ARFIP1: variants seen among roughly 807,000 people sequenced by gnomAD.
The protein encoded by ARFIP1 is ARF interacting protein 1, also known as arfaptin-1.
In ARFIP1, 24 loss-of-function variants were observed where a neutral mutation model predicts 42.5. The observed-to-expected ratio is 0.57, with a 90% CI of 0.41 to 0.80. The LOEUF (loss-of-function observed/expected upper bound fraction) is 0.80. Ranked by LOEUF, ARFIP1 falls within the 30% of genes least tolerant of loss-of-function variation. The probability of loss-of-function intolerance (pLI) is 0.00; values close to 1 mark genes in which losing one functional copy is unlikely to be tolerated. For synonymous variants in ARFIP1, 141 were observed against 153.7 expected (o/e 0.92, Z 0.61); for missense variants, 354 against 434.0 (o/e 0.82, Z 1.64).
intron 2 of ARFIP1, among the ~76,000 whole-genome samples, chr4:152,853,328 C>G (rs150663075): frequency 9.0e-4 from 137 of 152,274 alleles, no homozygotes; most frequent in Admixed American, 1.6e-3. Context: ...AGGTTTAGCG[C>G]TCCGTTGAGC....
intron 8 of ARFIP1, 90 bp downstream of exon 8, chr4:152,888,397 T>C (rs1013361802): frequency 2.3e-6 from 2 of 877,116 alleles, no homozygotes; most frequent in Admixed American, 3.5e-5. Context: ...TTAACTCTCT[T>C]GTATGACAAT....
In ARFIP1 at chr4:152,804,700, G is replaced by A. The variant is rs561033511; in HGVS notation, c.-10+24474G>A. The stretch of plus-strand genomic sequence containing the variant: ...GTGTGAAGAGTATTGGTGTGAAATA[G>A]GAATAATAATGGTACCTAGGTCAGA... On this transcript the variant is annotated intron_variant, in intron 1 of 8. Transcript: ENST00000353617. Among the ~76,000 whole-genome samples, 7 of 151,008 alleles carry A rather than the reference G, an allele frequency of 4.6e-5. No homozygotes were observed. In the East Asian group the frequency reaches 5.8e-4, roughly 13 times the overall value.
At chr4:152,893,474 G>T (rs893270448) in intron 8 of ARFIP1, among the ~76,000 whole-genome samples, 3 of 152,028 alleles carry the variant, frequency 2.0e-5, no homozygotes, top group Non-Finnish European at 4.4e-5. Context: ...ATAGTTGAAG[G>T]TTAATTTTTT....
Position 152,863,691 on chromosome 4 carries a change from T to C in ARFIP1, c.179T>C (p.Val60Ala). The change falls in exon 3 of 9, where the codon GTT (valine) becomes GCT (alanine). Residue 60 changes from valine (V) to alanine (A), a missense_variant. By Grantham distance (64) the Val-to-Ala change is moderately conservative (BLOSUM62 0). Coordinates refer to ENST00000353617, the MANE Select transcript of ARFIP1 (RefSeq NM_001025595.3). Reference sequence around the variant, plus strand: ...GGCTTTGACAATACCAAAGAGGGTGTTATTGAAGCAGGAGCATTTCAAGGT... The same window carrying C: ...GGCTTTGACAATACCAAAGAGGGTGCTATTGAAGCAGGAGCATTTCAAGGT... ...SHGFDNTKEG[V>A]IEAGAFQGSP... The C allele has an allele frequency of 6.2e-7, 1 of 1,608,708 alleles. No individual in the cohort carries two copies. Among genetic ancestry groups the C allele is most frequent in the East Asian group, 2.2e-5 (1 of 44,690 alleles).
At chr4:152,823,113 C>A (rs1730525047) in intron 1 of ARFIP1, among the ~76,000 whole-genome samples, 1 of 151,966 alleles carries the variant, frequency 6.6e-6, no homozygotes, top group South Asian at 2.1e-4. Context: ...AAAGCTGGTT[C>A]TTTGAAAAGA....
intron 7 of ARFIP1, among the ~76,000 whole-genome samples, chr4:152,886,881 A>G (rs189167241): frequency 8.5e-5 from 13 of 152,128 alleles, no homozygotes; most frequent in African/African-American, 2.6e-4. Flanking sequence ...AAAGAGGCCA[A>G]TTAAATTAAA....
intron 1 of ARFIP1, among the ~76,000 whole-genome samples, chr4:152,816,852 T>C (rs1276784314): frequency 1.3e-5 from 2 of 152,248 alleles, no homozygotes; most frequent in South Asian, 2.1e-4. Context: ...CCACTCTCCT[T>C]CTTATTCCTC....
intron 5 of ARFIP1, among the ~76,000 whole-genome samples, chr4:152,880,705 A>C (rs1415634373): frequency 2.0e-5 from 3 of 152,238 alleles, no homozygotes; most frequent in Admixed American, 2.0e-4. Context: ...CTAAACTTGC[A>C]AAATAATTAT....
intron 1 of ARFIP1, among the ~76,000 whole-genome samples, chr4:152,818,717 G>A (rs928890893): frequency 6.6e-6 from 1 of 152,160 alleles, no homozygotes; most frequent in Non-Finnish European, 1.5e-5. Flanking sequence ...GAATAGGTTG[G>A]TGGCCTGGGG....
intron 1 of ARFIP1, among the ~76,000 whole-genome samples, chr4:152,804,020 A>T (rs1242632111): frequency 3.7e-5 from 5 of 135,592 alleles, no homozygotes; most frequent in Non-Finnish European, 4.6e-5. Flanking sequence ...TATATATATT[A>T]TATATAATAT....
intron 2 of ARFIP1, among the ~76,000 whole-genome samples, chr4:152,832,366 A>G (rs1247125888): frequency 1.3e-5 from 2 of 152,178 alleles, no homozygotes; most frequent in Non-Finnish European, 2.9e-5. Flanking sequence ...CTTATTGACC[A>G]TTGGAGATTG....
chr4:152,829,497 T>A (rs895817774), intron 1 of ARFIP1, 128 bp from the exon 2 acceptor site: 1 of 551,154 alleles, frequency 1.8e-6, no homozygotes, highest in Non-Finnish European at 3.2e-6. Context: ...TTCTGTTTAT[T>A]ATACAAGTAT....
At chr4:152,783,292 A>G (rs912300820) in intron 1 of ARFIP1, among the ~76,000 whole-genome samples, 24 of 152,228 alleles carry the variant, frequency 1.6e-4, no homozygotes, top group African/African-American at 4.8e-4. Flanking sequence ...CCTGGCCAAC[A>G]GAGTGAGACT....
intron 2 of ARFIP1, among the ~76,000 whole-genome samples, chr4:152,849,610 A>G (rs1262246277): frequency 6.6e-6 from 1 of 152,118 alleles, no homozygotes; most frequent in Non-Finnish European, 1.5e-5. Context: ...TTCTTGTTAA[A>G]TATTGTTGAA....
chr4:152,847,124 C>CTTTTTTTTTTGTTTTTTTTTTT (rs1732603672), intron 2 of ARFIP1, among the ~76,000 whole-genome samples: 2 of 40,584 alleles, frequency 4.9e-5, no homozygotes, highest in Admixed American at 4.1e-4. Flanking sequence ...TAGGTTTGTT[C>CTTTTTTTTTTGTTTTTTTTTTT]TTTTTTTTTT....
chr4:152,789,336 C>A (rs1007230519), intron 1 of ARFIP1, among the ~76,000 whole-genome samples: 2 of 152,008 alleles, frequency 1.3e-5, no homozygotes, highest in Non-Finnish European at 2.9e-5. Flanking sequence ...GTGATCCACA[C>A]ACCTCAGCCT....
intron 1 of ARFIP1, among the ~76,000 whole-genome samples, chr4:152,788,699 A>C (rs1183752486): frequency 6.6e-6 from 1 of 152,106 alleles, no homozygotes; most frequent in African/African-American, 2.4e-5. Flanking sequence ...AAAAACAAAA[A>C]CATACTACAT....
At chr4:152,805,853 C>T (rs918528984) in intron 1 of ARFIP1, among the ~76,000 whole-genome samples, 1 of 152,184 alleles carries the variant, frequency 6.6e-6, no homozygotes, top group Non-Finnish European at 1.5e-5. Flanking sequence ...ATGAATTGAA[C>T]ACAAACAATC....
At chr4:152,782,292 C>T (rs1404168181) in intron 1 of ARFIP1, among the ~76,000 whole-genome samples, 1 of 151,454 alleles carries the variant, frequency 6.6e-6, no homozygotes, top group Non-Finnish European at 1.5e-5. Flanking sequence ...GCTTTGGGAC[C>T]AAGGAAAGGA....
Sources: gnomAD v4.1 joint callset for allele counts (sites outside exome capture counted in the v4.1 genomes callset) on GRCh38, gnomAD v4.1.1 for gene constraint, MANE v1.5 for transcripts, NCBI Gene and HGNC (gene_info 2026-07-23, HGNC 2026-07-21) for gene names.